ITGAL: variants seen among roughly 807,000 people sequenced by gnomAD.
The protein encoded by ITGAL is integrin alpha-L.
Under a neutral mutation model 138.4 loss-of-function variants are expected in ITGAL, and 68 were observed. The observed-to-expected ratio is 0.49, with a 90% CI of 0.40 to 0.60. The LOEUF is 0.60. ITGAL is among the 20% of genes least tolerant of loss of function. The pLI is 0.00. For synonymous variants in ITGAL, 561 were observed against 584.3 expected (o/e 0.96, Z 0.57); for missense variants, 1,256 against 1,478.6 (o/e 0.85, Z 2.47).
At chr16:30,490,226 TTAA>T (rs2050705965) in intron 11 of ITGAL, among the ~76,000 whole-genome samples, 1 of 115,186 alleles carries the variant, frequency 8.7e-6, no homozygotes, top group Non-Finnish European at 1.7e-5. Context: ...AGACTCCGTC[TTAA>T]AAAAAAAAAA....
intron 9 of ITGAL, among the ~76,000 whole-genome samples, chr16:30,487,932 G>C (rs2050670866): frequency 6.6e-6 from 1 of 151,762 alleles, no homozygotes; most frequent in Non-Finnish European, 1.5e-5. Flanking sequence ...TGGTCAGGCT[G>C]GTCTCAAACT....
intron 4 of ITGAL, among the ~76,000 whole-genome samples, chr16:30,476,142 G>A (rs1210396054): frequency 6.6e-6 from 1 of 152,026 alleles, no homozygotes; most frequent in African/African-American, 2.4e-5. Context: ...TCCCAGCTAC[G>A]CAGGAGGCTG....
Position 30,494,482 on chromosome 16 carries a change from C to A in ITGAL, c.1365+119C>A. 1 of 1,177,958 alleles carries A rather than the reference C, an allele frequency of 8.5e-7. No individual in the cohort carries two copies. The highest frequency in any genetic ancestry group is 1.2e-6 in the Non-Finnish European group (1 of 852,188). 73.0% of individuals were successfully genotyped at this position (1,177,958 alleles called of 1,614,324 possible). On this transcript the variant is annotated intron_variant, in intron 12 of 30. Transcript: ENST00000356798. This position sits in a 1 kb window ranked among gnomAD's most constrained non-coding sequence, Gnocchi z 4.2. ...TGGCAGCCCCTGTGCTAAACATGAT[C>A]ACATTTATCCCTCATAACACACAGA... is the stretch of plus-strand genomic sequence containing the variant.
intron 1 of ITGAL, among the ~76,000 whole-genome samples, chr16:30,473,550 C>G (rs2151139289): frequency 6.6e-6 from 1 of 152,302 alleles, no homozygotes; most frequent in East Asian, 1.9e-4. Flanking sequence ...CTTTCCAGCC[C>G]CACACCCTTC....
chr16:30,505,513 C>G (rs1228927421), intron 20 of ITGAL, 51 bp downstream of exon 20: 1 of 1,322,758 alleles, frequency 7.6e-7, no homozygotes, highest in African/African-American at 1.4e-5. Flanking sequence ...GTTTTAAGAC[C>G]CCCCACTCCA....
At chr16:30,492,725 T>C (rs11644433) in intron 11 of ITGAL, among the ~76,000 whole-genome samples, 25,436 of 151,166 alleles carry the variant, frequency 0.17, 2,629 homozygotes, top group Non-Finnish European at 0.23. Context: ...CCCAGCTAAT[T>C]TTTTGTATTT....
intron 17 of ITGAL, among the ~76,000 whole-genome samples, chr16:30,499,734 T>TGTATATATATATATATATATATA (rs71149033): frequency 6.5e-5 from 5 of 76,640 alleles, no homozygotes; most frequent in African/African-American, 3.9e-4. Flanking sequence ...TATATATATA[T>TGTATATATATATATATATATATA]TTTTTTTTTT....
Position 30,521,706 on chromosome 16 carries a change from A to G in ITGAL, c.*41A>G, listed in dbSNP as rs1257079342. 1 of 1,587,688 alleles carries G rather than the reference A, an allele frequency of 6.3e-7. No individual in the cohort carries two copies. Among genetic ancestry groups the G allele is most frequent in the South Asian group, 1.1e-5 (1 of 89,350 alleles). ...GTGCAGAGTGCCCAGAACTGGACTCAGGATGCCCAGGGCCACTCTGCCTCT... is the reference window on the plus strand; with the variant it reads ...GTGCAGAGTGCCCAGAACTGGACTCGGGATGCCCAGGGCCACTCTGCCTCT... On this transcript the variant is annotated 3_prime_UTR_variant, in exon 31 of 31. Coordinates refer to ENST00000356798, the MANE Select transcript of ITGAL (RefSeq NM_002209.3).
chr16:30,487,404 T>TTTTTG (rs567261350), intron 9 of ITGAL, among the ~76,000 whole-genome samples: 1,977 of 151,632 alleles, frequency 0.013, 34 homozygotes, highest in African/African-American at 0.046. Context: ...ATGAAGAGGT[T>TTTTTG]TTTTGTTTTG....
chr16:30,505,018 T>TGA (rs531874072), intron 18 of ITGAL: 102 of 249,536 alleles, frequency 4.1e-4, no homozygotes, highest in Middle Eastern at 1.1e-3. Flanking sequence ...AAGACAGTCT[T>TGA]AAAAAAAAAA....
At chr16:30,509,178 A>C (rs182181092) in intron 21 of ITGAL, among the ~76,000 whole-genome samples, 1 of 146,512 alleles carries the variant, frequency 6.8e-6, no homozygotes, top group Non-Finnish European at 1.5e-5. Flanking sequence ...CTCCATCTCA[A>C]AAAAAAAAAA....
intron 4 of ITGAL, among the ~76,000 whole-genome samples, chr16:30,478,661 C>A (rs1287730515): frequency 7.5e-6 from 1 of 133,794 alleles, no homozygotes; most frequent in African/African-American, 2.9e-5. Context: ...TCATGCCATG[C>A]AGTCCAGCCT....
chr16:30,508,776 TGGAGTCCA>T (rs2151169680), intron 21 of ITGAL, among the ~76,000 whole-genome samples: 1 of 152,080 alleles, frequency 6.6e-6, no homozygotes, highest in South Asian at 2.1e-4. Context: ...GGTGGATCGC[TGGAGTCCA>T]GGAGTTTGAG....
chr16:30,489,538 C>T (rs1169995351), intron 11 of ITGAL, 152 bp downstream of exon 11: 4 of 744,968 alleles, frequency 5.4e-6, no homozygotes, highest in Non-Finnish European at 8.7e-6. Flanking sequence ...AATTTATTGT[C>T]TGTATTTTCT....
chr16:30,489,254 G>A lies in ITGAL; in HGVS notation c.1081G>A (p.Gly361Ser). 1.2e-6 allele frequency: 2 copies of A among 1,614,102 alleles called. No individual in the cohort carries two copies. The highest frequency in any genetic ancestry group is 1.7e-6 in the Non-Finnish European group (2 of 1,179,970). Residue 361 changes from glycine to serine, a missense_variant and splice_region_variant, in exon 11 of 31, where the codon GGC becomes AGC. Coordinates refer to ENST00000356798, the MANE Select transcript of ITGAL (RefSeq NM_002209.3). ...CCCGCTCATCTCCTTCCCTGGGCAG[G>A]GCCATGCAGTCGTGGGGGCAGTAGG... ...SSGISADLSR[G>S]HAVVGAVGAK...
chr16:30,514,813 CTTTTTTCTTTTCTTTTTTT>C (rs2051142534), intron 25 of ITGAL, among the ~76,000 whole-genome samples: 1 of 147,844 alleles, frequency 6.8e-6, no homozygotes, highest in African/African-American at 2.5e-5. Context: ...TTTACCTTTT[CTTTTTTCTTTTCTTTTTTT>C]TTTTTTTTTT....
intron 15 of ITGAL, among the ~76,000 whole-genome samples, chr16:30,497,632 A>C (rs1450105103): frequency 6.6e-6 from 1 of 151,546 alleles, no homozygotes; most frequent in Non-Finnish European, 1.5e-5. Flanking sequence ...ATGCACCACC[A>C]TGCCCTGCTA....
At chr16:30,511,903 G>C (rs2151202838) in intron 24 of ITGAL, among the ~76,000 whole-genome samples, 1 of 152,302 alleles carries the variant, frequency 6.6e-6, no homozygotes, top group Admixed American at 6.5e-5. Context: ...AGGCAATTGA[G>C]AAGACAGTGA....
At chr16:30,484,651 G>A (rs1422968298) in intron 9 of ITGAL, among the ~76,000 whole-genome samples, 1 of 151,810 alleles carries the variant, frequency 6.6e-6, no homozygotes, top group Non-Finnish European at 1.5e-5. Flanking sequence ...GGACGCGGTG[G>A]CTCACACCTG....
Sources: allele counts gnomAD v4.1 joint callset (sites outside exome capture counted in the v4.1 genomes callset), GRCh38; gene constraint gnomAD v4.1.1; non-coding constraint Gnocchi (gnomAD v3.1); transcripts MANE v1.5; gene names NCBI Gene and HGNC (gene_info 2026-07-23, HGNC 2026-07-21).